The following MACROD2 variants were observed in gnomAD, a reference collection of about 807,000 sequenced individuals.
The protein encoded by MACROD2 is ADP-ribose glycohydrolase MACROD2.
A neutral mutation model predicts 70.4 loss-of-function variants in MACROD2; 36 were observed. The ratio of observed to expected loss-of-function variants is 0.51; its 90% CI spans 0.39 to 0.68. The LOEUF is 0.68. Ranked by LOEUF, MACROD2 falls within the 30% of genes least tolerant of loss-of-function variation. MACROD2 has a pLI of 0.00. For missense variants in MACROD2, 496 were observed against 538.4 expected (o/e 0.92, Z 0.78); for synonymous variants, 172 against 178.8 (o/e 0.96, Z 0.30).
chr20:15,901,406 T>A (rs993017120), intron 10 of MACROD2, among the ~76,000 whole-genome samples: 2 of 152,344 alleles, frequency 1.3e-5, no homozygotes, highest in Non-Finnish European at 2.9e-5. Flanking sequence ...GATGTTCTCC[T>A]GGACTCTCGA....
chr20:15,235,269 A>G (rs175298), intron 6 of MACROD2, among the ~76,000 whole-genome samples: 84,598 of 152,010 alleles, frequency 0.56, 23,988 homozygotes, highest in African/African-American at 0.6. Flanking sequence ...ATAGGAATTT[A>G]GTGATTTTAT....
At chr20:14,313,407 A>G (rs966171031) in intron 3 of MACROD2, among the ~76,000 whole-genome samples, 1 of 148,136 alleles carries the variant, frequency 6.8e-6, no homozygotes, top group African/African-American at 2.5e-5. Context: ...TTAAAGATTT[A>G]CTGTAAACTG....
At chr20:14,050,469 T>C (rs1201684760) in intron 2 of MACROD2, among the ~76,000 whole-genome samples, 1 of 152,078 alleles carries the variant, frequency 6.6e-6, no homozygotes, top group African/African-American at 2.4e-5. Flanking sequence ...TGAAATCTGC[T>C]CTCCCATTCA....
chr20:14,297,253 A>G (rs765691168), intron 3 of MACROD2, among the ~76,000 whole-genome samples: 1 of 151,808 alleles, frequency 6.6e-6, no homozygotes, highest in Non-Finnish European at 1.5e-5. Flanking sequence ...AATGGCCTCT[A>G]GATGTTCAAA....
intron 7 of MACROD2, among the ~76,000 whole-genome samples, chr20:15,451,968 G>T (rs1023076269): frequency 2.6e-5 from 4 of 152,088 alleles, no homozygotes; most frequent in African/African-American, 9.7e-5. Context: ...GGACACCGTG[G>T]CCCAACAGAA....
intron 4 of MACROD2, among the ~76,000 whole-genome samples, chr20:14,586,593 A>C (rs1981396807): frequency 6.6e-6 from 1 of 152,092 alleles, no homozygotes; most frequent in African/African-American, 2.4e-5. Context: ...CTGAATAAAG[A>C]TGGTGATTTG....
chr20:14,260,964 A>G (rs1298449959), intron 3 of MACROD2, among the ~76,000 whole-genome samples: 4 of 152,194 alleles, frequency 2.6e-5, no homozygotes. Context: ...TCAATGGCTT[A>G]AGAGTACTTG....
At chr20:14,964,896 AAT>A (rs1210665768) in intron 5 of MACROD2, among the ~76,000 whole-genome samples, 11 of 152,204 alleles carry the variant, frequency 7.2e-5, no homozygotes, top group Admixed American at 5.9e-4. Context: ...GTATAGGCGG[AAT>A]ACATACAGAA....
At chr20:15,850,265 C>A (rs1376615566) in intron 8 of MACROD2, among the ~76,000 whole-genome samples, 1 of 152,090 alleles carries the variant, frequency 6.6e-6, no homozygotes, top group Non-Finnish European at 1.5e-5. Flanking sequence ...TGGGATCTCT[C>A]CCCCAAGGGT....
intron 6 of MACROD2, among the ~76,000 whole-genome samples, chr20:15,323,187 A>G (rs1458738633): frequency 6.6e-6 from 1 of 152,202 alleles, no homozygotes; most frequent in Non-Finnish European, 1.5e-5. Context: ...TCTTCTTGAC[A>G]AACAGCCAAA....
chr20:15,353,912 C>G (rs998162854), intron 6 of MACROD2, among the ~76,000 whole-genome samples: 2 of 132,604 alleles, frequency 1.5e-5, no homozygotes, highest in Admixed American at 8.1e-5. Flanking sequence ...GGACTGTAAA[C>G]TAGTTCAACC....
intron 5 of MACROD2, among the ~76,000 whole-genome samples, chr20:14,714,501 C>A (rs567291832): frequency 6.6e-5 from 10 of 152,274 alleles, no homozygotes; most frequent in African/African-American, 2.4e-4. Context: ...CTTATTTTTT[C>A]CTCCATGTCC....
At chr20:14,554,138 T>C (rs1046840760) in intron 4 of MACROD2, among the ~76,000 whole-genome samples, 1 of 152,140 alleles carries the variant, frequency 6.6e-6, no homozygotes. Context: ...CCAGTTTTTC[T>C]CTTCATTCCT....
intron 5 of MACROD2, among the ~76,000 whole-genome samples, chr20:14,732,220 A>G (rs2071607376): frequency 6.6e-6 from 1 of 152,152 alleles, no homozygotes; most frequent in South Asian, 2.1e-4. Flanking sequence ...GTCATTTTGT[A>G]ATGTTCCTAT....
intron 8 of MACROD2, among the ~76,000 whole-genome samples, chr20:15,557,490 CTT>C (rs1351957793): frequency 6.6e-6 from 1 of 152,166 alleles, no homozygotes; most frequent in Non-Finnish European, 1.5e-5. Flanking sequence ...TAAGCATAAT[CTT>C]TTGTTTTTTC....
intron 3 of MACROD2, among the ~76,000 whole-genome samples, chr20:14,147,319 C>T (rs1444301981): frequency 6.6e-6 from 1 of 152,176 alleles, no homozygotes; most frequent in Non-Finnish European, 1.5e-5. Flanking sequence ...CCTTGCCATT[C>T]ATTCCTTCAG....
chr20:14,713,117 G>A (rs1270998279), intron 5 of MACROD2, among the ~76,000 whole-genome samples: 3 of 152,182 alleles, frequency 2.0e-5, no homozygotes, highest in Non-Finnish European at 4.4e-5. Flanking sequence ...GTGAGTGTGT[G>A]TGTGTGAATG....
intron 5 of MACROD2, among the ~76,000 whole-genome samples, chr20:14,804,289 CTG>C (rs1161950071): frequency 1.3e-5 from 2 of 151,624 alleles, no homozygotes; most frequent in East Asian, 3.9e-4. Flanking sequence ...TGTAATGAAA[CTG>C]TTTGCTTTTA....
At chr20:15,483,494 TCTGA>T in intron 7 of MACROD2, among the ~76,000 whole-genome samples, 1 of 152,336 alleles carries the variant, frequency 6.6e-6, no homozygotes, top group East Asian at 1.9e-4. Context: ...ATATCAGTCC[TCTGA>T]CTGTTTTCCA....
Sources: gnomAD v4.1 joint callset for allele counts (sites outside exome capture counted in the v4.1 genomes callset) on GRCh38, gnomAD v4.1.1 for gene constraint, MANE v1.5 for transcripts, NCBI Gene and HGNC (gene_info 2026-07-23, HGNC 2026-07-21) for gene names.